The following CDK12 variants were observed in gnomAD, a reference collection of about 807,000 sequenced individuals.
CDK12 encodes cyclin dependent kinase 12, also known as cyclin-dependent kinase 12.
A neutral mutation model predicts 133.8 loss-of-function variants in CDK12; 17 were observed. That is an observed-to-expected ratio of 0.13 (90% confidence interval 0.09 to 0.19). CDK12 has a LOEUF of 0.19. Among genes scored for constraint, CDK12 ranks in the 10% least tolerant of loss-of-function variants. The probability of loss-of-function intolerance (pLI) is 1.00; values close to 1 mark genes in which losing one functional copy is unlikely to be tolerated. For missense variants in CDK12, 1,508 were observed against 1,818.7 expected (o/e 0.83, Z 3.11); for synonymous variants, 694 against 683.6 (o/e 1.02, Z -0.24).
intron 5 of CDK12, among the ~76,000 whole-genome samples, chr17:39,495,062 C>T (rs993823491): frequency 2.0e-5 from 3 of 151,606 alleles, no homozygotes; most frequent in East Asian, 1.9e-4. Context: ...TGAGCCACCG[C>T]GCCTGGCCCT....
chr17:39,473,475 C>T (rs189449290), intron 2 of CDK12, among the ~76,000 whole-genome samples: 63 of 152,212 alleles, frequency 4.1e-4, no homozygotes, highest in African/African-American at 1.4e-3. Context: ...GGCTTGGTGG[C>T]TCACGCCTGT....
rs146079814 is a variant in CDK12, at chr17:39,504,067, A to G, written c.2609+2628A>G. On this transcript the variant is annotated intron_variant, in intron 6 of 13. Coordinates refer to ENST00000447079, the MANE Select transcript of CDK12 (RefSeq NM_016507.4). ...TCGGTAGATCTGTAGACTTTGGTTG[A>G]GTGAGTGTATGGTAGATAATGAATT... Among the ~76,000 whole-genome samples the G allele has an allele frequency of 3.0e-3, 456 of 152,280 alleles. 2 individuals are homozygous for G. Among genetic ancestry groups the G allele is most frequent in the African/African-American group, 0.01 (424 of 41,576 alleles).
chr17:39,517,373 T>C, intron 9 of CDK12, 67 bp from the exon 10 acceptor site: 1 of 915,950 alleles, frequency 1.1e-6, no homozygotes, highest in Non-Finnish European at 1.8e-6. Flanking sequence ...TTTCTGCTTC[T>C]GAAACCTCCG....
At chr17:39,548,296 A>G (rs186366972), upstream of CDK12, among the ~76,000 whole-genome samples, 40 of 152,284 alleles carry the variant, frequency 2.6e-4, no homozygotes, top group African/African-American at 9.6e-4. Context: ...ACTTTGCTCT[A>G]GTGGCCTGAC....
At chr17:39,534,615 G>A (rs148468502), downstream of CDK12, 72 of 218,814 alleles carry the variant, frequency 3.3e-4, no homozygotes, top group Middle Eastern at 2.8e-3. Flanking sequence ...TATAAAGGAC[G>A]TTTTTCCTCC....
chr17:39,563,527 CT>C (rs1269322690), intron 3 of CDK12, among the ~76,000 whole-genome samples: 2 of 132,826 alleles, frequency 1.5e-5, no homozygotes, highest in Admixed American at 1.8e-4. Flanking sequence ...TTTTTTCCCC[CT>C]CCCCTCCTCC....
chr17:39,472,730 C>T (rs2049887787), intron 2 of CDK12, among the ~76,000 whole-genome samples: 1 of 152,070 alleles, frequency 6.6e-6, no homozygotes, highest in Admixed American at 6.6e-5. Context: ...ACAATATCTT[C>T]ATCACCCTGA....
At chr17:39,509,443 TG>T (rs1345685734) in intron 6 of CDK12, among the ~76,000 whole-genome samples, 35 of 152,292 alleles carry the variant, frequency 2.3e-4, no homozygotes, top group African/African-American at 8.2e-4. Flanking sequence ...AGTTTTTTTT[TG>T]TTTTTTAAGT....
At chr17:39,479,689 T>A (rs1438854553) in intron 2 of CDK12, among the ~76,000 whole-genome samples, 2 of 151,794 alleles carry the variant, frequency 1.3e-5, no homozygotes, top group Non-Finnish European at 2.9e-5. Context: ...TGCAGTGGCA[T>A]GATCTCGGCT....
chr17:39,463,130 TCTAACAGTCC>T lies in CDK12; in HGVS notation c.1046+14_1046+23del. 6.2e-7 allele frequency: 1 copy of T among 1,608,642 alleles called. No homozygotes were observed. The highest frequency in any genetic ancestry group is 8.5e-7 in the Non-Finnish European group (1 of 1,176,480). On this transcript the variant is annotated intron_variant, in intron 1 of 13. Transcript: ENST00000447079. ...GTCCACTCCCCAGGTGAGCTATTTGTCTAACAGTCCTTCCTCATTTAGGGTGGGTTGCGAG... is the reference window on the plus strand; with the variant it reads ...GTCCACTCCCCAGGTGAGCTATTTGTTTCCTCATTTAGGGTGGGTTGCGAG...
intron 2 of CDK12, among the ~76,000 whole-genome samples, chr17:39,551,692 G>T (rs1203273539): frequency 6.6e-6 from 1 of 152,170 alleles, no homozygotes. Context: ...TGGCCTTAGA[G>T]CTCTTAGACC....
chr17:39,492,483 C>CTGCAAGTTCTGCA (rs1483948283), intron 3 of CDK12, among the ~76,000 whole-genome samples: 1 of 151,034 alleles, frequency 6.6e-6, no homozygotes, highest in East Asian at 1.9e-4. Context: ...TCTTGGCTCA[C>CTGCAAGTTCTGCA]TGCAAGTTCT....
chr17:39,564,639 C>T (rs1303375003), intron 3 of CDK12: 1 of 152,168 alleles, frequency 6.6e-6, no homozygotes, highest in Non-Finnish European at 1.5e-5. Flanking sequence ...TTAGCAACCA[C>T]TAGTGCTTTC....
chr17:39,518,636 A>G (rs548600058), intron 10 of CDK12, among the ~76,000 whole-genome samples: 1 of 151,514 alleles, frequency 6.6e-6, no homozygotes, highest in South Asian at 2.1e-4. Flanking sequence ...TTGGCTCACC[A>G]CAACCTTCGT....
intron 1 of CDK12, among the ~76,000 whole-genome samples, chr17:39,467,668 A>G (rs187835242): frequency 3.7e-4 from 57 of 152,246 alleles, no homozygotes; most frequent in Admixed American, 1.3e-3. Flanking sequence ...GCTAGCTGGC[A>G]TTAGTGTTTT....
chr17:39,468,119 C>G (rs2049489775), intron 1 of CDK12, among the ~76,000 whole-genome samples: 1 of 77,584 alleles, frequency 1.3e-5, no homozygotes, highest in African/African-American at 3.4e-5. Context: ...TGGTCTCAAA[C>G]TCTTGATCAG....
At chr17:39,473,082 A>C (rs1033280042) in intron 2 of CDK12, among the ~76,000 whole-genome samples, 1 of 152,082 alleles carries the variant, frequency 6.6e-6, no homozygotes. Flanking sequence ...TCTTAAAAAA[A>C]AAAAAAGCTA....
At chr17:39,524,402 TG>T (rs1287270885) in intron 11 of CDK12, among the ~76,000 whole-genome samples, 1 of 152,232 alleles carries the variant, frequency 6.6e-6, no homozygotes, top group Non-Finnish European at 1.5e-5. Flanking sequence ...AGTATTTATA[TG>T]GGAATTTATA....
intron 5 of CDK12, among the ~76,000 whole-genome samples, chr17:39,495,408 T>G (rs868794609): frequency 8.7e-5 from 13 of 149,438 alleles, no homozygotes; most frequent in South Asian, 2.1e-4. Flanking sequence ...TTTTTTTTTT[T>G]TTTTTTTTAT....
Sources: gnomAD v4.1 joint callset for allele counts (sites outside exome capture counted in the v4.1 genomes callset) on GRCh38, gnomAD v4.1.1 for gene constraint, MANE v1.5 for transcripts, NCBI Gene and HGNC (gene_info 2026-07-23, HGNC 2026-07-21) for gene names.